Variants in ZSCAN26 observed in about 807,000 individuals in gnomAD.
The protein encoded by ZSCAN26 is zinc finger and SCAN domain-containing protein 26.
Under a neutral mutation model 23.0 loss-of-function variants are expected in ZSCAN26, and 26 were observed. That is an observed-to-expected ratio of 1.13 (90% CI 0.83 to 1.57). ZSCAN26 has a LOEUF of 1.57. Among genes scored for constraint, ZSCAN26 ranks in the 40% most tolerant of loss-of-function variants. The pLI is 0.00. For missense variants in ZSCAN26, 528 were observed against 568.5 expected (o/e 0.93, Z 0.72); for synonymous variants, 180 against 202.5 (o/e 0.89, Z 0.94).
Position 28,276,480 on chromosome 6 carries a change from A to G in ZSCAN26, c.824A>G (p.Lys275Arg). The G allele has an allele frequency of 6.2e-7, 1 of 1,614,014 alleles. No homozygotes were observed. The highest frequency in any genetic ancestry group is 8.5e-7 in the Non-Finnish European group (1 of 1,179,874). Residue 275 changes from lysine (K) to arginine (R), a missense_variant, in exon 4 of 4, where the codon AAA (lysine) becomes AGA (arginine). Coordinates refer to ENST00000421553, the MANE Select transcript of ZSCAN26 (RefSeq NM_001023560.4). Reference protein sequence around the residue: ...CQSSSLTGHKKVLSREKGHQC... With the variant: ...CQSSSLTGHKRVLSREKGHQC... Reference sequence around the variant, plus strand: ...AGTTCCAGTCTTACAGGACATAAGAAAGTCCTCTCTAGAGAGAAAGGTCAT... The same window carrying G: ...AGTTCCAGTCTTACAGGACATAAGAGAGTCCTCTCTAGAGAGAAAGGTCAT...
Position 28,276,430 on chromosome 6 carries a change from ACT to A in ZSCAN26, c.777_778del (p.Cys260ArgfsTer3), listed in dbSNP as rs749942464. On this transcript the variant is annotated frameshift_variant, in exon 4 of 4. Transcript: ENST00000421553. LOFTEE classifies it low-confidence loss of function (END_TRUNC). Reference protein sequence around the residue: ...EHASTHTGKKLCESDVCQSSS... With the variant: ...EHASTHTGKKXCESDVCQSSS... ...ATGCGAGTACACACACGGGAAAGAA[ACT>A]CTGCGAGTCTGATGTGTGTCAGAGT... 3.1e-5 allele frequency: 50 copies of A among 1,613,792 alleles called. No homozygotes were observed. The highest frequency in any genetic ancestry group is 4.0e-5 in the Non-Finnish European group (47 of 1,179,858).
At chr6:28,273,157 A>G (rs1761779830) in intron 3 of ZSCAN26, among the ~76,000 whole-genome samples, 1 of 152,160 alleles carries the variant, frequency 6.6e-6, no homozygotes, top group South Asian at 2.1e-4. Context: ...CTACTTGGGA[A>G]GCTAAGGGAG....
At chr6:28,272,411 T>C (rs1761734997) in intron 2 of ZSCAN26, 72 bp downstream of exon 2, 5 of 1,423,758 alleles carry the variant, frequency 3.5e-6, no homozygotes, top group Admixed American at 2.8e-5. Flanking sequence ...GGACATGGGC[T>C]CATCAGCGGA....
chr6:28,267,165 CT>C lies in ZSCAN26; in HGVS notation c.-114del, dbSNP rs568072559. 6.7e-4 allele frequency: 102 copies of C among 152,322 alleles called. No homozygotes were observed. The highest frequency in any genetic ancestry group is 2.4e-3 in the African/African-American group (99 of 41,550). The allele number at this position is 152,322 out of a possible 1,614,324, so 9.4% of individuals were successfully genotyped here. A position where few individuals can be genotyped will look rare whatever the true frequency, so the allele number is the denominator to read the frequency against. The stretch of plus-strand genomic sequence containing the variant: ...GCTAGAGCTGACACTCGGCGATGAG[CT>C]AAGACGCTGTTTCAGAGCGTTTGGG... On this transcript the variant is annotated 5_prime_UTR_variant, in exon 1 of 4. It removes the in-frame stop codon of an upstream open reading frame in the 5' UTR. Transcript: ENST00000421553.
Position 28,272,739 on chromosome 6 carries a change from C to T in ZSCAN26, c.490C>T (p.Gln164Ter). The T allele has an allele frequency of 1.2e-6, 2 of 1,613,588 alleles. No individual in the cohort carries two copies. The highest frequency in any genetic ancestry group is 1.7e-6 in the Non-Finnish European group (2 of 1,179,740). The change falls in exon 3 of 4, where the codon CAG (glutamine) becomes TAG (stop). Residue 164 changes from glutamine (Q) to a stop codon, truncating the protein, a stop_gained. Coordinates refer to ENST00000421553, the MANE Select transcript of ZSCAN26 (RefSeq NM_001023560.4). LOFTEE classifies it low-confidence loss of function (END_TRUNC). The stretch of plus-strand genomic sequence containing the variant: ...GGCCCCTCTGAAAGGAGTACAGGAA[C>T]AGCAGGTTCGGCATGAGTGTGAAGT... ...EMAPLKGVQE[Q>*]QVRHECEVTK...
At chr6:28,269,300 G>C (rs1159338034) in intron 1 of ZSCAN26, among the ~76,000 whole-genome samples, 1 of 151,678 alleles carries the variant, frequency 6.6e-6, no homozygotes, top group Non-Finnish European at 1.5e-5. Context: ...TAAAAAATAC[G>C]AATACAGGTA....
At chr6:28,271,323 C>G (rs1581609118) in intron 1 of ZSCAN26, among the ~76,000 whole-genome samples, 1 of 152,138 alleles carries the variant, frequency 6.6e-6, no homozygotes, top group Non-Finnish European at 1.5e-5. Context: ...AAAAAACTTT[C>G]TCTATTTCCT....
At chr6:28,268,179 G>T (rs1459453006) in intron 1 of ZSCAN26, among the ~76,000 whole-genome samples, 1 of 152,090 alleles carries the variant, frequency 6.6e-6, no homozygotes, top group Non-Finnish European at 1.5e-5. Flanking sequence ...TTATAGGGTT[G>T]TGTGAGGGTT....
At chr6:28,273,005 T>C (rs183535154) in intron 3 of ZSCAN26, among the ~76,000 whole-genome samples, 73 of 152,332 alleles carry the variant, frequency 4.8e-4, no homozygotes, top group Non-Finnish European at 9.1e-4. Context: ...AGGACCACTA[T>C]CAAGAGATAA....
Position 28,271,870 on chromosome 6 carries a change from A to G in ZSCAN26, c.-50A>G. ...TAATTTTAGGAGTGTCTCTGAAGATACAGTCCAAAGAAAGTTCTCCAAAAC... is the reference window on the plus strand; with the variant it reads ...TAATTTTAGGAGTGTCTCTGAAGATGCAGTCCAAAGAAAGTTCTCCAAAAC... On this transcript the variant is annotated 5_prime_UTR_variant, in exon 2 of 4. The change creates a new upstream start codon in the 5' untranslated region. Transcript: ENST00000421553. The G allele has an allele frequency of 2.0e-6, 3 of 1,468,824 alleles. No homozygotes were observed. Among genetic ancestry groups the G allele is most frequent in the South Asian group, 1.4e-5 (1 of 72,554 alleles). The allele number at this position is 1,468,824 out of a possible 1,614,324, so 91.0% of individuals were successfully genotyped here.
In ZSCAN26 at chr6:28,277,201, G is replaced by GAGCCTCCAACTCAGCCCCCAA; in HGVS notation, c.*105_*106insAGCCTCCAACTCAGCCCCCAA. 8.1e-7 allele frequency: 1 copy of GAGCCTCCAACTCAGCCCCCAA among 1,228,184 alleles called. No individual in the cohort carries two copies. Among genetic ancestry groups the GAGCCTCCAACTCAGCCCCCAA allele is most frequent in the South Asian group, 1.5e-5 (1 of 67,422 alleles). 76.1% of individuals were successfully genotyped at this position (1,228,184 alleles called of 1,614,324 possible). A position where few individuals can be genotyped will look rare whatever the true frequency, so the allele number is the denominator to read the frequency against. On this transcript the variant is annotated 3_prime_UTR_variant, in exon 4 of 4. Coordinates refer to ENST00000421553, the MANE Select transcript of ZSCAN26 (RefSeq NM_001023560.4). ...CACTGTGGCATCAGAAAATTCTTGG[G>GAGCCTCCAACTCAGCCCCCAA]GGCTGAGTTGGAGGCTCCCTGCCTC...
intron 1 of ZSCAN26, among the ~76,000 whole-genome samples, chr6:28,269,624 T>C (rs1761598733): frequency 6.6e-6 from 1 of 152,194 alleles, no homozygotes; most frequent in Non-Finnish European, 1.5e-5. Flanking sequence ...AAGAGCTGTT[T>C]TAGTTCCAAG....
In ZSCAN26 at chr6:28,276,741, G is replaced by T; in HGVS notation, c.1085G>T (p.Ser362Ile). The change falls in exon 4 of 4, where the codon AGT becomes ATT. Residue 362 changes from serine to isoleucine, a missense_variant. Ser to Ile is a moderately radical substitution (Grantham distance 142). Transcript: ENST00000421553. ...CTTAATCGACATCAGAGAATTCACA[G>T]TCAGGAGGAGCCCTGTGAGTGCAAG... The part of the protein sequence containing the change: ...SHLNRHQRIH[S>I]QEEPCECKEC... 6.2e-7 allele frequency: 1 copy of T among 1,613,790 alleles called. No individual in the cohort carries two copies. The highest frequency in any genetic ancestry group is 1.1e-5 in the South Asian group (1 of 91,030).
intron 3 of ZSCAN26, 58 bp from the exon 4 acceptor site, chr6:28,276,137 A>G: frequency 6.8e-7 from 1 of 1,480,712 alleles, no homozygotes; most frequent in Non-Finnish European, 9.1e-7. Flanking sequence ...TTAGTTGCAG[A>G]TTCCTTTCCC....
intron 1 of ZSCAN26, among the ~76,000 whole-genome samples, chr6:28,270,151 C>T (rs751259076): frequency 1.3e-5 from 2 of 152,102 alleles, no homozygotes; most frequent in Non-Finnish European, 1.5e-5. Context: ...CACTGATAAT[C>T]ATCACTTTCT....
chr6:28,272,532 A>G, intron 2 of ZSCAN26, 138 bp from the exon 3 acceptor site: 1 of 975,906 alleles, frequency 1.0e-6, no homozygotes, highest in South Asian at 1.8e-5. Flanking sequence ...AATGTGCACC[A>G]GATTCCCCAT....
At chr6:28,269,344 T>C (rs1328015073) in intron 1 of ZSCAN26, among the ~76,000 whole-genome samples, 1 of 152,134 alleles carries the variant, frequency 6.6e-6, no homozygotes, top group Non-Finnish European at 1.5e-5. Context: ...ATTATGTATA[T>C]ATATACATAT....
chr6:28,273,607 A>G (rs1394430941), intron 3 of ZSCAN26, among the ~76,000 whole-genome samples: 3 of 151,794 alleles, frequency 2.0e-5, no homozygotes, highest in Non-Finnish European at 2.9e-5. Context: ...AGAAAGCCAC[A>G]TGCTTCATTA....
Position 28,272,234 on chromosome 6 carries a change from G to A in ZSCAN26, c.315G>A (p.Lys105=), listed in dbSNP as rs1364555755. ...AGCAGTTTCTGATCATCCTGCCTAA[G>A]GAGCTCCAGGCCCGGGTGCAGGAGC... ...VLEQFLIILP[K]ELQARVQEHH... Residue 105 remains lysine, a synonymous_variant, in exon 2 of 4, where the codon AAG becomes AAA. Transcript: ENST00000421553. 1.2e-6 allele frequency: 2 copies of A among 1,613,648 alleles called. No homozygotes were observed.
Sources: allele counts gnomAD v4.1 joint callset (sites outside exome capture counted in the v4.1 genomes callset), GRCh38; gene constraint gnomAD v4.1.1; transcripts MANE v1.5; gene names NCBI Gene and HGNC (gene_info 2026-07-23, HGNC 2026-07-21).